Variants in USP39 observed in about 807,000 individuals in gnomAD.
USP39 encodes ubiquitin specific peptidase 39.
In USP39, 38 loss-of-function variants were observed where a neutral mutation model predicts 66.4. That is an observed-to-expected ratio of 0.57 (90% CI 0.44 to 0.75). USP39 has a LOEUF of 0.75. USP39 is among the 30% of genes least tolerant of loss of function. The pLI is 0.00. For missense variants in USP39, 608 were observed against 714.4 expected, an observed-to-expected ratio of 0.85 and a Z score of 1.70; for synonymous variants, 303 against 274.6, an observed-to-expected ratio of 1.10 and a Z score of -1.02.
chr2:85,637,283 T>C (rs1675848628), intron 7 of USP39, 86 bp from the exon 8 acceptor site: 3 of 1,484,248 alleles, frequency 2.0e-6, no homozygotes, highest in Non-Finnish European at 2.8e-6. Context: ...GATGCTGGTT[T>C]ATTTCAGAAA....
At chr2:85,610,492 T>C (rs965242267), upstream of USP39, 1 of 152,196 alleles carries the variant, frequency 6.6e-6, no homozygotes. Context: ...GGCTCTGCCA[T>C]TTACTAGCTG....
chr2:85,625,196 T>C (rs1255188782), intron 4 of USP39, among the ~76,000 whole-genome samples: 3 of 152,168 alleles, frequency 2.0e-5, no homozygotes, highest in Non-Finnish European at 4.4e-5. Flanking sequence ...GTCCATGTGC[T>C]GCTCCCAGGA....
At chr2:85,623,900 G>T (rs888739504) in intron 4 of USP39, 118 bp downstream of exon 4, 1 of 1,199,446 alleles carries the variant, frequency 8.3e-7, no homozygotes, top group African/African-American at 1.6e-5. Flanking sequence ...GCATCGAGAG[G>T]CTGCTTTCTC....
chr2:85,630,550 A>T (rs2104295204), intron 5 of USP39, among the ~76,000 whole-genome samples, 171 bp from the exon 6 acceptor site: 1 of 152,306 alleles, frequency 6.6e-6, no homozygotes, highest in Middle Eastern at 3.4e-3. Flanking sequence ...CGTTAATGAT[A>T]TTTCTGTGAT....
At position 85,617,783 on chromosome 2, in the gene USP39, G is replaced by A. The variant is rs142321669; in HGVS notation, c.268+1320G>A. On this transcript the variant is annotated intron_variant, in intron 1 of 12. Transcript: ENST00000323701. ...AAAACTGACACCAATGCTATATTCC[G>A]GCTACTGTCATTGCTCTAATAAACT... is the stretch of plus-strand genomic sequence containing the variant. Among the ~76,000 whole-genome samples, 57 of 152,168 alleles carry A rather than the reference G, an allele frequency of 3.7e-4. 1 individual carries two copies. In the South Asian group the frequency reaches 8.1e-3, roughly 22 times the overall value.
At chr2:85,608,885 C>T, upstream of USP39, 1 of 1,597,406 alleles carries the variant, frequency 6.3e-7, no homozygotes, top group Non-Finnish European at 8.6e-7. Context: ...CACTAAATTC[C>T]CTGGGCAGAA....
intron 9 of USP39, among the ~76,000 whole-genome samples, chr2:85,640,714 C>A (rs1354966299): frequency 6.7e-6 from 1 of 149,440 alleles, no homozygotes; most frequent in African/African-American, 2.5e-5. Flanking sequence ...CTGAAATGAT[C>A]CCCCTGCCTC....
upstream of USP39, chr2:85,608,069 T>G (rs192924318): frequency 1.3e-4 from 20 of 152,344 alleles, 1 homozygote; most frequent in Admixed American, 2.6e-4. Context: ...AAGTTCCCAC[T>G]TGTTTATAAT....
intron 8 of USP39, 81 bp from the exon 9 acceptor site, chr2:85,639,122 G>A (rs1573440710): frequency 1.3e-5 from 18 of 1,351,308 alleles, no homozygotes; most frequent in South Asian, 3.1e-5. Flanking sequence ...AGGAAATGTC[G>A]GCGTGGTAAA....
chr2:85,621,468 CTGTTT>C lies in USP39; in HGVS notation c.339-11_339-7del. Reference sequence around the variant, plus strand: ...ACATGTCCATCCTATTTATTTTTTTCTGTTTTGTTTCCTTAGGAGTGTGCTGGACT... The same window carrying C: ...ACATGTCCATCCTATTTATTTTTTTCTGTTTCCTTAGGAGTGTGCTGGACT... On this transcript the variant is annotated splice_polypyrimidine_tract_variant and intron_variant, in intron 2 of 12. Transcript: ENST00000323701. The C allele has an allele frequency of 1.2e-6, 2 of 1,611,366 alleles. No individual in the cohort carries two copies. Among genetic ancestry groups the C allele is most frequent in the Non-Finnish European group, 1.7e-6 (2 of 1,178,152 alleles).
upstream of USP39, chr2:85,611,415 G>A (rs1673516753): frequency 8.0e-6 from 12 of 1,507,418 alleles, 1 homozygote; most frequent in South Asian, 1.5e-4. Flanking sequence ...AGCACGGTGG[G>A]GCAAACCGGC....
At chr2:85,648,721 A>C (rs1231544662) in intron 12 of USP39, 40 bp from the exon 13 acceptor site, 4 of 1,611,012 alleles carry the variant, frequency 2.5e-6, no homozygotes, top group Non-Finnish European at 3.4e-6. Flanking sequence ...TGTTGACTGA[A>C]TGCCTCCTAG....
intron 6 of USP39, among the ~76,000 whole-genome samples, chr2:85,635,629 T>C (rs1222687385): frequency 6.6e-6 from 1 of 152,156 alleles, no homozygotes; most frequent in African/African-American, 2.4e-5. Flanking sequence ...TTTCATGGAA[T>C]ATTGTCAATC....
At chr2:85,632,469 A>G (rs535762350) in intron 6 of USP39, among the ~76,000 whole-genome samples, 3 of 142,852 alleles carry the variant, frequency 2.1e-5, no homozygotes, top group Non-Finnish European at 4.5e-5. Flanking sequence ...TTTTTTTGAG[A>G]CAGAGTCTTG....
chr2:85,621,803 A>C (rs1200295079), intron 3 of USP39, among the ~76,000 whole-genome samples: 1 of 152,098 alleles, frequency 6.6e-6, no homozygotes, highest in African/African-American at 2.4e-5. Flanking sequence ...GTAATCTTAA[A>C]GACTCTGGGT....
chr2:85,645,697 C>T (rs1361337341), intron 11 of USP39: 2 of 152,168 alleles, frequency 1.3e-5, no homozygotes, highest in Non-Finnish European at 1.5e-5. Context: ...AAGGACAGCC[C>T]GTGTTACAAA....
chr2:85,609,326 A>G (rs1673353498), upstream of USP39: 1 of 1,462,368 alleles, frequency 6.8e-7, no homozygotes, highest in Non-Finnish European at 9.3e-7. Context: ...TCACATGTGG[A>G]GCAGACGCTT....
chr2:85,635,352 G>GACCGGCCTGGCC (rs1675679750), intron 6 of USP39, among the ~76,000 whole-genome samples: 1 of 152,196 alleles, frequency 6.6e-6, no homozygotes, highest in Non-Finnish European at 1.5e-5. Flanking sequence ...TTGAGGTCAA[G>GACCGGCCTGGCC]AGTTCGAGAC....
chr2:85,613,994 C>G (rs1276667736), upstream of USP39, among the ~76,000 whole-genome samples: 2 of 151,862 alleles, frequency 1.3e-5, no homozygotes, highest in East Asian at 3.9e-4. Context: ...TCTTGAACTC[C>G]TGACCTCAAG....
Sources: gnomAD v4.1 joint callset for allele counts (sites outside exome capture counted in the v4.1 genomes callset) on GRCh38, gnomAD v4.1.1 for gene constraint, MANE v1.5 for transcripts, NCBI Gene and HGNC (gene_info 2026-07-23, HGNC 2026-07-21) for gene names.